Variants in MICAL3 observed in about 807,000 individuals in gnomAD.
MICAL3 encodes [F-actin]-monooxygenase MICAL3.
A neutral mutation model predicts 207.4 loss-of-function variants in MICAL3; 62 were observed. The observed-to-expected ratio is 0.30, with a 90% confidence interval of 0.24 to 0.37. The LOEUF (loss-of-function observed/expected upper bound fraction) is 0.37. Ranked by LOEUF, MICAL3 falls within the 10% of genes least tolerant of loss-of-function variation. MICAL3 has a pLI of 1.00. For synonymous variants in MICAL3, 1,077 were observed against 1,069.3 expected (o/e 1.01, Z -0.14); for missense variants, 2,368 against 2,635.6 (o/e 0.90, Z 2.22).
intron 29 of MICAL3, among the ~76,000 whole-genome samples, chr22:17,808,443 G>A (rs889706001): frequency 1.4e-5 from 2 of 146,118 alleles, no homozygotes; most frequent in Non-Finnish European, 3.0e-5. Flanking sequence ...AACGACATGA[G>A]GGGGTCTGGG....
rs572496821 is a variant in MICAL3 at position 18,021,302 on chromosome 22, G to A, written c.-75+2979C>T. On this transcript the variant is annotated intron_variant, in intron 1 of 31. Coordinates refer to ENST00000441493, the MANE Select transcript of MICAL3 (RefSeq NM_015241.3). The stretch of plus-strand genomic sequence containing the variant: ...TCACATGGCTGGCCTGCCCTGTCTC[G>A]TGAGATGGATCAGCCTTGAGGTGAC... Among the ~76,000 whole-genome samples the A allele has an allele frequency of 2.6e-5, 4 of 152,358 alleles. No individual in the cohort carries two copies. In the South Asian group the frequency reaches 6.2e-4, roughly 24 times the overall value.
Position 17,864,059 on chromosome 22 carries a change from G to C in MICAL3, c.2605+840C>G, listed in dbSNP as rs553543853. 3.0e-6 allele frequency: 3 copies of C among 986,132 alleles called. No homozygotes were observed. The Middle Eastern group carries it at 1.6e-3, about 515-fold the overall frequency. 61.1% of individuals were successfully genotyped at this position (986,132 alleles called of 1,614,324 possible). The stretch of plus-strand genomic sequence containing the variant: ...CATTCAGAACACCCAGCAGTTTGTG[G>C]AGCTCTGGACGCATCTCACAGGCAA... On this transcript the variant is annotated intron_variant, in intron 19 of 31. Coordinates refer to ENST00000441493, the MANE Select transcript of MICAL3 (RefSeq NM_015241.3).
At chr22:17,958,001 T>G (rs1934715914) in intron 1 of MICAL3, among the ~76,000 whole-genome samples, 1 of 152,146 alleles carries the variant, frequency 6.6e-6, no homozygotes, top group African/African-American at 2.4e-5. Flanking sequence ...CCAAAAAACC[T>G]AAAAATTCCA....
At chr22:17,806,229 T>C (rs936248973) in intron 29 of MICAL3, among the ~76,000 whole-genome samples, 5 of 152,210 alleles carry the variant, frequency 3.3e-5, no homozygotes, top group Admixed American at 6.5e-5. Context: ...GCCTGCAGCA[T>C]AGTGCTCACC....
intron 1 of MICAL3, among the ~76,000 whole-genome samples, chr22:17,933,152 A>C (rs1445971717): frequency 3.3e-5 from 5 of 152,194 alleles, no homozygotes; most frequent in African/African-American, 1.2e-4. Flanking sequence ...CTCCACCCCA[A>C]ATCAACAGAA....
rs375855315 is a variant in MICAL3 at position 17,822,928 on chromosome 22, G to A, written c.3307+19C>T. On this transcript the variant is annotated intron_variant, in intron 23 of 31. Coordinates refer to ENST00000441493, the MANE Select transcript of MICAL3 (RefSeq NM_015241.3). ...TTCCCTGAGCTCCCACCACAGGGGC[G>A]GGGAGGGCGGACCCCTACCATCATC... 1.6e-5 allele frequency: 24 copies of A among 1,516,164 alleles called. No individual in the cohort carries two copies. The highest frequency in any genetic ancestry group is 3.4e-4 in the Middle Eastern group (2 of 5,868). The allele number at this position is 1,516,164 out of a possible 1,614,324, so 93.9% of individuals were successfully genotyped here. A position where few individuals can be genotyped will look rare whatever the true frequency, so the allele number is the denominator to read the frequency against.
chr22:17,975,744 A>AACAC (rs1209310033), intron 1 of MICAL3, among the ~76,000 whole-genome samples: 1 of 152,190 alleles, frequency 6.6e-6, no homozygotes, highest in East Asian at 1.9e-4. Context: ...GACTCTCCTG[A>AACAC]ACACCCTCCT....
chr22:17,825,473 C>T (rs1295479484), intron 22 of MICAL3, among the ~76,000 whole-genome samples: 2 of 145,664 alleles, frequency 1.4e-5, no homozygotes. Flanking sequence ...CTGGGAGGCT[C>T]TTGCCCCACC....
chr22:17,881,444 C>T (rs192942345), intron 16 of MICAL3: 181 of 666,864 alleles, frequency 2.7e-4, no homozygotes, highest in Non-Finnish European at 4.1e-4. Context: ...CAGAGGGCAG[C>T]CCAGTGGTCT....
Position 17,816,795 on chromosome 22 carries a change from AG to A in MICAL3, c.5351-12del. 1 of 1,546,182 alleles carries A rather than the reference AG, an allele frequency of 6.5e-7. No individual in the cohort carries two copies. The highest frequency in any genetic ancestry group is 2.4e-5 in the East Asian group (1 of 40,894). ...GCCGGAGCTGCAGCTCTGTGGAGAG[AG>A]GGAGGCCACGTGAGGACAGCGCCAG... On this transcript the variant is annotated splice_polypyrimidine_tract_variant and intron_variant, in intron 26 of 31. Transcript: ENST00000441493.
rs564983147 is a variant in MICAL3, at chr22:17,944,695, C to T, written c.-74-37809G>A. 2.3e-4 allele frequency among the ~76,000 whole-genome samples: 35 copies of T among 152,284 alleles called. 1 individual carries two copies. The South Asian group carries it at 6.4e-3, about 28-fold the overall frequency. On this transcript the variant is annotated intron_variant, in intron 1 of 31. Transcript: ENST00000441493. The stretch of plus-strand genomic sequence containing the variant: ...AAGAGAAGGGCACTACACCCTTTCA[C>T]GTGCCGCTCCAGGGGAAAGCAGGTG...
intron 20 of MICAL3, chr22:17,840,133 G>T (rs1388227710): frequency 2.0e-5 from 3 of 150,960 alleles, no homozygotes; most frequent in Non-Finnish European, 4.4e-5. Flanking sequence ...ACACAGGCTG[G>T]AGTGCAGTGG....
At position 17,801,444 on chromosome 22, in the gene MICAL3, C is replaced by T. The variant is rs1485131538; in HGVS notation, c.5650+7400G>A. ...CTGGGATTACAGGCGTGAGCCACCG[C>T]GCCCGGCCTCCTGAGTTTCCTTTTT... On this transcript the variant is annotated intron_variant, in intron 29 of 31. Coordinates refer to ENST00000441493, the MANE Select transcript of MICAL3 (RefSeq NM_015241.3). Among the ~76,000 whole-genome samples the T allele has an allele frequency of 3.3e-5, 5 of 150,486 alleles. 2 individuals carry two copies. Among genetic ancestry groups the T allele is most frequent in the Non-Finnish European group, 7.4e-5 (5 of 67,772 alleles).
At chr22:17,826,636 A>G in intron 22 of MICAL3, 1 of 335,520 alleles carries the variant, frequency 3.0e-6, no homozygotes, top group Non-Finnish European at 4.2e-6. Flanking sequence ...TTCAGGACAG[A>G]CGCCTGTCTG....
intron 1 of MICAL3, among the ~76,000 whole-genome samples, chr22:18,015,118 C>G (rs116512553): frequency 0.02 from 2,971 of 152,174 alleles, 109 homozygotes; most frequent in African/African-American, 0.068. Flanking sequence ...ATTCAGCAGT[C>G]AGTAGATATT....
chr22:17,945,949 G>A (rs923812975), intron 1 of MICAL3, among the ~76,000 whole-genome samples: 1 of 152,168 alleles, frequency 6.6e-6, no homozygotes, highest in East Asian at 1.9e-4. Context: ...TTACAGGGAG[G>A]GGCAGACACA....
At chr22:18,016,641 C>T (rs1000296717) in intron 1 of MICAL3, among the ~76,000 whole-genome samples, 2 of 152,146 alleles carry the variant, frequency 1.3e-5, no homozygotes, top group African/African-American at 4.8e-5. Flanking sequence ...TGTTTTAAAA[C>T]TCTTTAAAAT....
chr22:17,952,304 A>G (rs1316268239), intron 1 of MICAL3, among the ~76,000 whole-genome samples: 1 of 151,822 alleles, frequency 6.6e-6, no homozygotes, highest in Non-Finnish European at 1.5e-5. Context: ...TCCTCGCCAG[A>G]CCCCTCCAAC....
chr22:17,928,568 C>G (rs867084636), intron 1 of MICAL3, among the ~76,000 whole-genome samples: 38 of 152,262 alleles, frequency 2.5e-4, no homozygotes, highest in African/African-American at 8.9e-4. Flanking sequence ...TTCACATGTG[C>G]AAGGAGCACT....
Sources: gnomAD v4.1 joint callset for allele counts (sites outside exome capture counted in the v4.1 genomes callset) on GRCh38, gnomAD v4.1.1 for gene constraint, MANE v1.5 for transcripts, NCBI Gene and HGNC (gene_info 2026-07-23, HGNC 2026-07-21) for gene names.